The following LEPR variants were observed in gnomAD, a reference collection of about 807,000 sequenced individuals.
LEPR encodes OB receptor.
In LEPR, 56 loss-of-function variants were observed where a neutral mutation model predicts 114.7. The ratio of observed to expected loss-of-function variants is 0.49; its 90% CI spans 0.39 to 0.61. The LOEUF (loss-of-function observed/expected upper bound fraction) is 0.61. Among genes scored for constraint, LEPR ranks in the 20% least tolerant of loss-of-function variants. The probability of loss-of-function intolerance (pLI) is 0.00; values close to 1 mark genes in which losing one functional copy is unlikely to be tolerated. For missense variants in LEPR, 1,202 were observed against 1,352.9 expected (o/e 0.89, Z 1.75); for synonymous variants, 443 against 461.4 (o/e 0.96, Z 0.51).
chr1:65,570,748 A>T lies in LEPR; in HGVS notation c.316A>T (p.Ile106Phe), dbSNP rs1365036229. Residue 106 changes from isoleucine to phenylalanine, a missense_variant, in exon 4 of 20, where the codon ATT becomes TTT. Coordinates refer to ENST00000349533, the MANE Select transcript of LEPR (RefSeq NM_002303.6). ...AAACTGCTCCTTATGTGCAGACAAC[A>T]TTGAAGGAAAGACATTTGTTTCAAC... is the stretch of plus-strand genomic sequence containing the variant. Reference protein sequence around the residue: ...DRNCSLCADNIEGKTFVSTVN... With the variant: ...DRNCSLCADNFEGKTFVSTVN... 3.8e-6 allele frequency: 6 copies of T among 1,590,074 alleles called. No homozygotes were observed. In the African/African-American group the frequency reaches 8.1e-5, roughly 21 times the overall value.
chr1:65,453,424 T>C (rs1646817824), intron 2 of LEPR, among the ~76,000 whole-genome samples: 2 of 152,166 alleles, frequency 1.3e-5, no homozygotes, highest in Non-Finnish European at 2.9e-5. Context: ...TTTAGTGCTA[T>C]ACATTTCCCT....
At chr1:65,468,220 G>T (rs1198531885) in intron 2 of LEPR, among the ~76,000 whole-genome samples, 1 of 152,224 alleles carries the variant, frequency 6.6e-6, no homozygotes. Context: ...AGACTAAGGA[G>T]ACATGCTGAC....
intron 7 of LEPR, among the ~76,000 whole-genome samples, chr1:65,598,354 C>T (rs1396158980): frequency 6.6e-6 from 1 of 152,036 alleles, no homozygotes; most frequent in Admixed American, 6.6e-5. Context: ...TGGCTTAAAG[C>T]TTCCCACAGA....
intron 19 of LEPR, among the ~76,000 whole-genome samples, chr1:65,624,575 G>A (rs1013238277): frequency 5.3e-5 from 8 of 152,132 alleles, no homozygotes; most frequent in African/African-American, 1.2e-4. Context: ...GTATAAATAC[G>A]TTTTACCTTC....
intron 2 of LEPR, among the ~76,000 whole-genome samples, chr1:65,425,679 C>T (rs1263294191): frequency 6.6e-6 from 1 of 152,178 alleles, no homozygotes; most frequent in Non-Finnish European, 1.5e-5. Flanking sequence ...GAGTGAGAGA[C>T]AGGCAAACGG....
intron 19 of LEPR, among the ~76,000 whole-genome samples, chr1:65,628,613 G>A (rs1454335518): frequency 6.6e-6 from 1 of 152,124 alleles, no homozygotes; most frequent in Non-Finnish European, 1.5e-5. Flanking sequence ...CCAAGTTGAT[G>A]TAGTTAATTT....
intron 2 of LEPR, among the ~76,000 whole-genome samples, chr1:65,540,987 A>G (rs1433760386): frequency 6.6e-6 from 1 of 152,064 alleles, no homozygotes; most frequent in Admixed American, 6.5e-5. Flanking sequence ...ATACGCCACC[A>G]TGCATGGCTA....
intron 2 of LEPR, among the ~76,000 whole-genome samples, chr1:65,453,992 ATAGT>A (rs1646828545): frequency 6.6e-6 from 1 of 151,632 alleles, no homozygotes; most frequent in Admixed American, 6.6e-5. Flanking sequence ...TATATTTAAG[ATAGT>A]TAGCTCTTCT....
chr1:65,570,397 A>G, intron 3 of LEPR, 76 bp from the exon 4 acceptor site: 1 of 1,399,942 alleles, frequency 7.1e-7, no homozygotes, highest in East Asian at 2.3e-5. Context: ...TACATGGTTT[A>G]ATCTCAGATA....
At chr1:65,551,538 G>T (rs912722023) in intron 2 of LEPR, among the ~76,000 whole-genome samples, 7 of 152,098 alleles carry the variant, frequency 4.6e-5, no homozygotes, top group African/African-American at 1.7e-4. Flanking sequence ...TTGTATTTCT[G>T]TGGGATCAGT....
At chr1:65,556,951 G>A (rs1447559510) in intron 2 of LEPR, among the ~76,000 whole-genome samples, 2 of 152,162 alleles carry the variant, frequency 1.3e-5, no homozygotes, top group Non-Finnish European at 2.9e-5. Flanking sequence ...TCTGATCTGT[G>A]TTAAGAAGAT....
chr1:65,629,541 T>C (rs980165156), intron 19 of LEPR, among the ~76,000 whole-genome samples: 1 of 152,164 alleles, frequency 6.6e-6, no homozygotes, highest in African/African-American at 2.4e-5. Context: ...TTCCACCTGT[T>C]GATCAAAATT....
chr1:65,518,939 TTC>T (rs1270430755), intron 2 of LEPR, among the ~76,000 whole-genome samples: 16 of 149,718 alleles, frequency 1.1e-4, no homozygotes, highest in Admixed American at 6.0e-4. Context: ...GTTTCTTTCT[TTC>T]TCTTTCTTCT....
chr1:65,484,494 G>A (rs1256278390), intron 2 of LEPR, among the ~76,000 whole-genome samples: 1 of 151,790 alleles, frequency 6.6e-6, no homozygotes, highest in African/African-American at 2.4e-5. Context: ...CCTACATTCT[G>A]GTCAATATTT....
At chr1:65,495,237 A>C (rs1371431812) in intron 2 of LEPR, among the ~76,000 whole-genome samples, 1 of 152,064 alleles carries the variant, frequency 6.6e-6, no homozygotes, top group Non-Finnish European at 1.5e-5. Flanking sequence ...AATAACCCAA[A>C]AGACCTAAAT....
At chr1:65,581,050 T>G (rs1654947779) in intron 5 of LEPR, among the ~76,000 whole-genome samples, 1 of 152,196 alleles carries the variant, frequency 6.6e-6, no homozygotes, top group Non-Finnish European at 1.5e-5. Context: ...TTTTCACAAT[T>G]ACTCCTGCCA....
At position 65,425,396 on chromosome 1, in the gene LEPR, A is replaced by G; in HGVS notation, c.-21+18A>G. On this transcript the variant is annotated intron_variant, in intron 2 of 19. Transcript: ENST00000349533. ...GATTATGGGTAAGTTATCATTTCAA[A>G]AAGAACTATTCCTCTTTCTGTGTCT... The G allele has an allele frequency of 6.3e-7, 1 of 1,582,660 alleles. No individual in the cohort carries two copies. The highest frequency in any genetic ancestry group is 1.9e-5 in the Admixed American group (1 of 51,834).
intron 2 of LEPR, among the ~76,000 whole-genome samples, chr1:65,491,419 T>C (rs1211566273): frequency 6.6e-6 from 1 of 152,140 alleles, no homozygotes; most frequent in Non-Finnish European, 1.5e-5. Context: ...AACGAGCTTA[T>C]GTTACCCTGA....
intron 7 of LEPR, 150 bp downstream of exon 7, chr1:65,596,743 A>G: frequency 1.5e-6 from 1 of 666,136 alleles, no homozygotes; most frequent in South Asian, 2.0e-5. Context: ...TATATATCAT[A>G]TATAGATAGA....
Sources: allele counts gnomAD v4.1 joint callset (sites outside exome capture counted in the v4.1 genomes callset), GRCh38; gene constraint gnomAD v4.1.1; transcripts MANE v1.5; gene names NCBI Gene and HGNC (gene_info 2026-07-23, HGNC 2026-07-21).